The following AEBP2 variants were observed in gnomAD, a reference collection of about 807,000 sequenced individuals.
The protein encoded by AEBP2 is AE binding protein 2.
Under a neutral mutation model 50.8 loss-of-function variants are expected in AEBP2, and 10 were observed. The ratio of observed to expected loss-of-function variants is 0.20; its 90% CI spans 0.12 to 0.33. The LOEUF is 0.33. AEBP2 is among the 10% of genes least tolerant of loss of function. The pLI is 1.00. For missense variants in AEBP2, 570 were observed against 688.0 expected, an observed-to-expected ratio of 0.83 and a Z score of 1.92; for synonymous variants, 296 against 261.3, an observed-to-expected ratio of 1.13 and a Z score of -1.28.
chr12:19,509,295 A>T (rs1315248433), intron 5 of AEBP2: 1 of 232,532 alleles, frequency 4.3e-6, no homozygotes, highest in African/African-American at 2.2e-5. Flanking sequence ...AAAAGACTTG[A>T]AAAAATTTCA....
At chr12:19,457,427 A>C (rs1221913125) in intron 1 of AEBP2, 2 of 1,508,070 alleles carry the variant, frequency 1.3e-6, no homozygotes, top group Non-Finnish European at 1.8e-6. Context: ...ACAAGGAGGT[A>C]TTAATGGTGA....
intron 5 of AEBP2, among the ~76,000 whole-genome samples, chr12:19,511,242 C>T (rs1332803466): frequency 1.3e-5 from 2 of 152,116 alleles, no homozygotes; most frequent in Non-Finnish European, 2.9e-5. Context: ...GTGCCCAGCA[C>T]TCTAAAATGG....
At chr12:19,515,464 G>T (rs1053448730) in intron 7 of AEBP2, among the ~76,000 whole-genome samples, 2 of 152,256 alleles carry the variant, frequency 1.3e-5, no homozygotes, top group Middle Eastern at 6.8e-3. Flanking sequence ...ATCTGCCCAA[G>T]TTTGCACGAA....
chr12:19,479,858 TA>T (rs1948702459), intron 3 of AEBP2, among the ~76,000 whole-genome samples: 1 of 151,754 alleles, frequency 6.6e-6, no homozygotes, highest in Non-Finnish European at 1.5e-5. Flanking sequence ...ACCTTAAGTT[TA>T]TTTGAGTCCT....
intron 4 of AEBP2, among the ~76,000 whole-genome samples, chr12:19,496,256 G>A (rs959083120): frequency 2.0e-5 from 3 of 152,152 alleles, no homozygotes; most frequent in Non-Finnish European, 4.4e-5. Flanking sequence ...TTCTTTTGAC[G>A]GTGGTGTTTT....
At chr12:19,454,778 AG>A (rs1056455531) in intron 1 of AEBP2, among the ~76,000 whole-genome samples, 3 of 151,992 alleles carry the variant, frequency 2.0e-5, no homozygotes, top group African/African-American at 2.4e-5. Context: ...AGGTGGGTGG[AG>A]GGGGGAGAAC....
rs2120623344 is a variant in AEBP2, at chr12:19,514,934, C to G, written c.1481+150C>G. 9 of 633,766 alleles carry G rather than the reference C, an allele frequency of 1.4e-5. No homozygotes were observed. The South Asian group carries it at 1.8e-4, about 13-fold the overall frequency. The allele number at this position is 633,766 out of a possible 1,614,324, so 39.3% of individuals were successfully genotyped here. On this transcript the variant is annotated intron_variant, in intron 7 of 7. Transcript: ENST00000266508. ...TGGCTTTTTTTTTTTTGGATGTGGA[C>G]TCACAAAGAGTTAAAAATTGTAGAA... is the stretch of plus-strand genomic sequence containing the variant.
intron 7 of AEBP2, among the ~76,000 whole-genome samples, chr12:19,515,624 A>G (rs1321488876): frequency 1.3e-5 from 2 of 152,202 alleles, no homozygotes; most frequent in South Asian, 2.1e-4. Flanking sequence ...AATTTTAGCT[A>G]TCATAAAGAT....
chr12:19,457,188 A>C (rs1423958113), intron 1 of AEBP2: 1 of 1,597,772 alleles, frequency 6.3e-7, no homozygotes, highest in Non-Finnish European at 8.5e-7. Flanking sequence ...TAACACCGAC[A>C]ATTAGTTGTT....
intron 5 of AEBP2, chr12:19,508,883 C>T (rs1036290902): frequency 1.9e-5 from 5 of 257,046 alleles, no homozygotes; most frequent in Admixed American, 7.7e-5. Context: ...TCTTCCGGAA[C>T]GTTGTCTGCA....
intron 4 of AEBP2, among the ~76,000 whole-genome samples, chr12:19,499,571 G>A (rs1447350408): frequency 1.4e-5 from 2 of 147,090 alleles, no homozygotes; most frequent in East Asian, 2.0e-4. Flanking sequence ...CTGAGATGGC[G>A]CCACTGCACT....
At chr12:19,508,672 C>T (rs932285755) in intron 5 of AEBP2, among the ~76,000 whole-genome samples, 2 of 152,096 alleles carry the variant, frequency 1.3e-5, no homozygotes, top group East Asian at 1.9e-4. Context: ...TCTGTTAGAT[C>T]GATGTTAACT....
At chr12:19,424,478 G>C (rs1169965591) in intron 1 of AEBP2, among the ~76,000 whole-genome samples, 4 of 151,712 alleles carry the variant, frequency 2.6e-5, no homozygotes, top group African/African-American at 7.3e-5. Flanking sequence ...CTCACTGCAA[G>C]CTCTGCCTCC....
At chr12:19,457,148 T>C in intron 1 of AEBP2, 1 of 1,598,006 alleles carries the variant, frequency 6.3e-7, no homozygotes, top group Non-Finnish European at 8.5e-7. Context: ...CTCTTCTGGC[T>C]GTAGGGTGGC....
chr12:19,444,421 A>G (rs12824219), intron 1 of AEBP2, among the ~76,000 whole-genome samples: 15,843 of 152,294 alleles, frequency 0.1, 842 homozygotes, highest in Middle Eastern at 0.15. Context: ...AGTACTAGCT[A>G]TTGAATCAGT....
At chr12:19,459,466 C>G (rs918690287) in intron 1 of AEBP2, among the ~76,000 whole-genome samples, 1 of 152,026 alleles carries the variant, frequency 6.6e-6, no homozygotes, top group Non-Finnish European at 1.5e-5. Flanking sequence ...CTCCTGACCT[C>G]GTGATCCGCC....
At position 19,518,794 on chromosome 12, in the gene AEBP2, A is replaced by C; in HGVS notation, c.*677A>C. 2 of 1,332,298 alleles carry C rather than the reference A, an allele frequency of 1.5e-6. No homozygotes were observed. The highest frequency in any genetic ancestry group is 2.0e-6 in the Non-Finnish European group (2 of 982,132). 82.5% of individuals were successfully genotyped at this position (1,332,298 alleles called of 1,614,324 possible). ...AATTACTGTTAAAGAGTGTTGCAGT[A>C]TGTCTGGTGGCTCCCTTTTCAGGAC... On this transcript the variant is annotated 3_prime_UTR_variant, in exon 8 of 8. Transcript: ENST00000266508.
At chr12:19,509,735 CTT>C (rs1477448513) in intron 5 of AEBP2, among the ~76,000 whole-genome samples, 1 of 150,664 alleles carries the variant, frequency 6.6e-6, no homozygotes, top group African/African-American at 2.4e-5. Flanking sequence ...CAGAGTGAGA[CTT>C]TGGCTTGAAA....
Position 19,439,763 on chromosome 12 carries a change from C to T in AEBP2, c.64C>T (p.Pro22Ser), listed in dbSNP as rs1459745548. 24 of 1,516,860 alleles carry T rather than the reference C, an allele frequency of 1.6e-5. No individual in the cohort carries two copies. In the South Asian group the frequency reaches 2.2e-4, roughly 14 times the overall value. The allele number at this position is 1,516,860 out of a possible 1,614,324, so 94.0% of individuals were successfully genotyped here. A position where few individuals can be genotyped will look rare whatever the true frequency, so the allele number is the denominator to read the frequency against. ...EELSRLSPLPPGSPGSAARGR... is the reference protein window; with the variant it reads ...EELSRLSPLPSGSPGSAARGR... The stretch of plus-strand genomic sequence containing the variant: ...GCTCTCCCGCCTGAGCCCTCTGCCC[C>T]CCGGCAGCCCGGGTTCGGCGGCGCG... The change falls in exon 1 of 8, where the codon CCC becomes TCC. Residue 22 changes from proline (P) to serine (S), a missense_variant. Pro to Ser is a moderately conservative substitution (Grantham distance 74). This residue lies in a region of AEBP2 where 386 missense variants were observed against 336.8 expected (regional missense o/e 1.15). Transcript: ENST00000266508.
Sources: allele counts gnomAD v4.1 joint callset (sites outside exome capture counted in the v4.1 genomes callset), GRCh38; gene constraint gnomAD v4.1.1; regional missense constraint gnomAD v4.1.1; transcripts MANE v1.5; gene names NCBI Gene and HGNC (gene_info 2026-07-23, HGNC 2026-07-21).